TMEM196: variants seen among roughly 807,000 people sequenced by gnomAD.
The protein encoded by TMEM196 is transmembrane protein 196.
In TMEM196, 17 loss-of-function variants were observed where a neutral mutation model predicts 20.0. That is an observed-to-expected ratio of 0.85 (90% CI 0.58 to 1.27). The LOEUF (loss-of-function observed/expected upper bound fraction) is 1.27. Among genes scored for constraint, TMEM196 ranks in the 50% most tolerant of loss-of-function variants. The pLI, the probability that TMEM196 is intolerant of heterozygous loss-of-function variation, is 0.00. For missense variants in TMEM196, 267 were observed against 223.0 expected (o/e 1.20, Z -1.26); for synonymous variants, 113 against 88.9 (o/e 1.27, Z -1.52).
chr7:19,766,556 A>G (rs559417527), intron 1 of TMEM196, among the ~76,000 whole-genome samples: 161 of 151,184 alleles, frequency 1.1e-3, no homozygotes, highest in Middle Eastern at 7.0e-3. Context: ...TATATATTAC[A>G]TATGATAAAT....
At chr7:19,756,808 A>G (rs1481024300) in intron 1 of TMEM196, among the ~76,000 whole-genome samples, 1 of 152,154 alleles carries the variant, frequency 6.6e-6, no homozygotes, top group African/African-American at 2.4e-5. Flanking sequence ...ATAGTATCCC[A>G]GGTATATATG....
intron 1 of TMEM196, among the ~76,000 whole-genome samples, chr7:19,738,463 G>A (rs10263780): frequency 0.21 from 31,152 of 151,948 alleles, 3,960 homozygotes; most frequent in East Asian, 0.6. Context: ...CAAGTCGCAG[G>A]AGGAGCAACA....
intron 1 of TMEM196, among the ~76,000 whole-genome samples, chr7:19,768,873 A>C (rs1785742815): frequency 6.6e-6 from 1 of 152,180 alleles, no homozygotes; most frequent in African/African-American, 2.4e-5. Context: ...CATCCTTCTC[A>C]TACATTTTAA....
rs568131390 is a variant in TMEM196 at position 19,719,395 on chromosome 7, G to T, written c.*2733C>A. The T allele has an allele frequency of 6.8e-6, 1 of 148,114 alleles. No homozygotes were observed. The highest frequency in any genetic ancestry group is 1.5e-5 in the Non-Finnish European group (1 of 65,548). 9.2% of individuals were successfully genotyped at this position (148,114 alleles called of 1,614,324 possible). A position where few individuals can be genotyped will look rare whatever the true frequency, so the allele number is the denominator to read the frequency against. ...GTTCCACTTCCAAACCATTGTGTGT[G>T]TGTATATACACATATGTGTATGTAT... On this transcript the variant is annotated 3_prime_UTR_variant, in exon 5 of 5. Transcript: ENST00000405844.
chr7:19,745,321 C>T (rs542106681), intron 1 of TMEM196, among the ~76,000 whole-genome samples: 1 of 152,194 alleles, frequency 6.6e-6, no homozygotes, highest in African/African-American at 2.4e-5. Context: ...GCCAACTATT[C>T]TTGGTTTCAC....
At chr7:19,723,224 C>T (rs1037380229) in intron 4 of TMEM196, among the ~76,000 whole-genome samples, 7 of 152,084 alleles carry the variant, frequency 4.6e-5, no homozygotes, top group Non-Finnish European at 8.8e-5. Flanking sequence ...TTTGAGGCTT[C>T]ATTGAGGAAC....
chr7:19,729,982 C>A (rs527757205), intron 1 of TMEM196, among the ~76,000 whole-genome samples: 1 of 152,078 alleles, frequency 6.6e-6, no homozygotes, highest in Admixed American at 6.5e-5. Flanking sequence ...ATAGGCTGGG[C>A]GCGGTGGCTC....
intron 4 of TMEM196, among the ~76,000 whole-genome samples, chr7:19,724,045 G>T (rs541127758): frequency 3.2e-4 from 48 of 152,232 alleles, no homozygotes; most frequent in African/African-American, 1.1e-3. Context: ...AATGTGTTTG[G>T]ATGCTTATAG....
At chr7:19,768,042 T>C (rs1354870070) in intron 1 of TMEM196, among the ~76,000 whole-genome samples, 1 of 152,056 alleles carries the variant, frequency 6.6e-6, no homozygotes, top group East Asian at 1.9e-4. Flanking sequence ...ACCAACAGTC[T>C]ACATAAAAGG....
chr7:19,723,525 C>A (rs983765484), intron 4 of TMEM196, among the ~76,000 whole-genome samples: 3 of 152,032 alleles, frequency 2.0e-5, no homozygotes, highest in African/African-American at 7.2e-5. Flanking sequence ...ACCATAAACA[C>A]AGTAAAATCA....
intron 1 of TMEM196, among the ~76,000 whole-genome samples, chr7:19,757,810 A>G (rs966799255): frequency 1.3e-5 from 2 of 152,098 alleles, no homozygotes; most frequent in African/African-American, 4.8e-5. Context: ...CTTTCATATT[A>G]GAAAACAGCC....
At chr7:19,743,467 GCTCT>G (rs1199188548) in intron 1 of TMEM196, among the ~76,000 whole-genome samples, 6 of 152,074 alleles carry the variant, frequency 3.9e-5, no homozygotes, top group Admixed American at 3.3e-4. Context: ...ACTTAGCCAT[GCTCT>G]CTCTGTTTGT....
At chr7:19,737,679 T>C (rs1784457417) in intron 1 of TMEM196, among the ~76,000 whole-genome samples, 1 of 152,040 alleles carries the variant, frequency 6.6e-6, no homozygotes. Context: ...CACTGTATGA[T>C]TCCAATTCTG....
chr7:19,757,979 T>TTA (rs1785284244), intron 1 of TMEM196, among the ~76,000 whole-genome samples: 1 of 149,716 alleles, frequency 6.7e-6, no homozygotes, highest in Non-Finnish European at 1.5e-5. Flanking sequence ...TTTTTTTTTT[T>TTA]ACTAAGAACC....
At chr7:19,750,271 T>C (rs1440422118) in intron 1 of TMEM196, among the ~76,000 whole-genome samples, 1 of 152,210 alleles carries the variant, frequency 6.6e-6, no homozygotes, top group Non-Finnish European at 1.5e-5. Flanking sequence ...GTGATGGATA[T>C]CTTACTTAGT....
chr7:19,758,145 C>T (rs551175784), intron 1 of TMEM196, among the ~76,000 whole-genome samples: 58 of 152,146 alleles, frequency 3.8e-4, no homozygotes, highest in South Asian at 6.2e-4. Context: ...GCTTTGGACT[C>T]TGTTTTTAAA....
chr7:19,730,099 A>T (rs10281322), intron 1 of TMEM196, among the ~76,000 whole-genome samples: 16,187 of 151,966 alleles, frequency 0.11, 1,546 homozygotes, highest in East Asian at 0.55. Context: ...TACTAAAAAT[A>T]CAAAAAATTA....
At chr7:19,767,643 A>C (rs1185213406) in intron 1 of TMEM196, among the ~76,000 whole-genome samples, 5 of 152,072 alleles carry the variant, frequency 3.3e-5, no homozygotes, top group Non-Finnish European at 5.9e-5. Flanking sequence ...TTTATAAATT[A>C]CTTGTATAAT....
intron 2 of TMEM196, among the ~76,000 whole-genome samples, chr7:19,727,418 A>G (rs1000431906): frequency 6.6e-6 from 1 of 152,160 alleles, no homozygotes; most frequent in Non-Finnish European, 1.5e-5. Context: ...AGCATTCCTT[A>G]TTGCATCTGT....
Sources: allele counts gnomAD v4.1 joint callset (sites outside exome capture counted in the v4.1 genomes callset), GRCh38; gene constraint gnomAD v4.1.1; transcripts MANE v1.5; gene names NCBI Gene and HGNC (gene_info 2026-07-23, HGNC 2026-07-21).